The following SH3BGRL variants were observed in gnomAD, a reference collection of about 807,000 sequenced individuals.
The protein encoded by SH3BGRL is SH3 domain binding glutamate rich protein like.
A neutral mutation model predicts 9.8 loss-of-function variants in SH3BGRL; 7 were observed. That is an observed-to-expected ratio of 0.72 (90% CI 0.41 to 1.35). The LOEUF (loss-of-function observed/expected upper bound fraction) is 1.35, where lower values mean the gene tolerates loss of function less well. Ranked by LOEUF, SH3BGRL falls within the 40% of genes most tolerant of loss-of-function variation. The pLI, the probability that SH3BGRL is intolerant of heterozygous loss-of-function variation, is 0.01. For missense variants in SH3BGRL, 73 were observed against 84.4 expected (o/e 0.86, Z 0.53); for synonymous variants, 36 against 29.1 (o/e 1.24, Z -0.76).
intron 1 of SH3BGRL, among the ~76,000 whole-genome samples, chrX:81,206,757 G>C (rs2075549133): frequency 8.9e-6 from 1 of 111,872 alleles, no homozygotes; most frequent in African/African-American, 3.3e-5. Context: ...GTAAGTGACT[G>C]TTCACCCAAG....
At chrX:81,249,768 C>T (rs2075703095) in intron 1 of SH3BGRL, among the ~76,000 whole-genome samples, 1 of 110,940 alleles carries the variant, frequency 9.0e-6, no homozygotes, top group South Asian at 3.7e-4. Flanking sequence ...ACAAAATGGT[C>T]GAAAGAAACC....
chrX:81,254,993 G>T (rs1024599639), intron 1 of SH3BGRL, among the ~76,000 whole-genome samples: 19 of 108,345 alleles, frequency 1.8e-4, no homozygotes, highest in African/African-American at 5.7e-4. Context: ...GGGTTCAAGC[G>T]ATTCTCCTGC....
intron 1 of SH3BGRL, among the ~76,000 whole-genome samples, chrX:81,232,296 A>G (rs2075635231): frequency 9.0e-6 from 1 of 110,857 alleles, no homozygotes; most frequent in Admixed American, 9.6e-5. Context: ...TATTACATAC[A>G]CATCACAGAA....
At position 81,248,337 on chromosome X, in the gene SH3BGRL, T is replaced by C. The variant is rs751604042; in HGVS notation, c.46-28647T>C. Among the ~76,000 whole-genome samples, 3 of 112,315 alleles carry C rather than the reference T, an allele frequency of 2.7e-5. No individual in the cohort carries two copies. In the South Asian group the frequency reaches 1.1e-3, roughly 42 times the overall value. On this transcript the variant is annotated intron_variant, in intron 1 of 3. Coordinates refer to ENST00000373212, the MANE Select transcript of SH3BGRL (RefSeq NM_003022.3). ...TACAGCTAGGTATATACTCGATTTT[T>C]GTTTACTGAGAGACTCTTTGTAGAG...
intron 1 of SH3BGRL, among the ~76,000 whole-genome samples, chrX:81,208,720 G>A (rs184760896): frequency 6.3e-5 from 7 of 111,304 alleles, no homozygotes; most frequent in East Asian, 5.7e-4. Flanking sequence ...GAGACGAGGC[G>A]GTTCATTTAT....
chrX:81,207,781 T>C (rs2075551656), intron 1 of SH3BGRL, among the ~76,000 whole-genome samples: 1 of 111,842 alleles, frequency 8.9e-6, no homozygotes, highest in East Asian at 2.8e-4. Context: ...TCAAGATCAG[T>C]GCTTTCAAAT....
At chrX:81,217,277 C>T (rs921417933) in intron 1 of SH3BGRL, among the ~76,000 whole-genome samples, 13 of 110,058 alleles carry the variant, frequency 1.2e-4, no homozygotes, top group African/African-American at 3.9e-4. Flanking sequence ...TAGTTCTGCT[C>T]TGATCTTTGA....
At chrX:81,205,486 ATG>A (rs1227518163) in intron 1 of SH3BGRL, among the ~76,000 whole-genome samples, 2,104 of 90,408 alleles carry the variant, frequency 0.023, 22 homozygotes, top group Middle Eastern at 0.062. Context: ...GTGTATATAT[ATG>A]TGTGTGTGTG....
intron 1 of SH3BGRL, among the ~76,000 whole-genome samples, chrX:81,273,166 G>A (rs1294316348): frequency 9.0e-6 from 1 of 111,706 alleles, no homozygotes; most frequent in African/African-American, 3.3e-5. Flanking sequence ...CCTTTCACCA[G>A]AACTATAGAT....
At chrX:81,259,772 G>A (rs1353926142) in intron 1 of SH3BGRL, among the ~76,000 whole-genome samples, 4 of 111,665 alleles carry the variant, frequency 3.6e-5, no homozygotes, top group Non-Finnish European at 5.7e-5. Context: ...AGCCACCTAT[G>A]GTCAGAAGCC....
intron 1 of SH3BGRL, among the ~76,000 whole-genome samples, chrX:81,205,504 G>GTATATATATATA (rs34834268): frequency 1.2e-5 from 1 of 85,154 alleles, no homozygotes; most frequent in Non-Finnish European, 2.3e-5. Context: ...GTGTGTGTGT[G>GTATATATATATA]TATATATATA....
intron 1 of SH3BGRL, among the ~76,000 whole-genome samples, chrX:81,269,280 G>A (rs5912485): frequency 0.57 from 62,234 of 109,822 alleles, 14,565 homozygotes; most frequent in Non-Finnish European, 0.73. Context: ...TGGTTATTTC[G>A]CCTGTTAATT....
chrX:81,243,502 ATAACT>A (rs1426392892), intron 1 of SH3BGRL, among the ~76,000 whole-genome samples: 3 of 111,813 alleles, frequency 2.7e-5, no homozygotes, highest in African/African-American at 9.8e-5. Flanking sequence ...GTTGTCAATA[ATAACT>A]TAATTGTTAA....
chrX:81,209,932 T>G (rs1044638608), intron 1 of SH3BGRL, among the ~76,000 whole-genome samples: 1 of 112,040 alleles, frequency 8.9e-6, no homozygotes, highest in Non-Finnish European at 1.9e-5. Flanking sequence ...CTGATTCTCT[T>G]GCATGTTATG....
intron 1 of SH3BGRL, among the ~76,000 whole-genome samples, chrX:81,245,934 G>A (rs761659570): frequency 2.8e-4 from 31 of 111,726 alleles, no homozygotes; most frequent in Non-Finnish European, 4.7e-4. Flanking sequence ...AATTATGTTC[G>A]CATCAACAGC....
At chrX:81,263,707 T>C (rs899382584) in intron 1 of SH3BGRL, among the ~76,000 whole-genome samples, 4 of 111,694 alleles carry the variant, frequency 3.6e-5, no homozygotes, top group African/African-American at 1.3e-4. Context: ...AAATACATTG[T>C]AATTAGATCG....
chrX:81,279,721 C>T (rs1046616446), intron 3 of SH3BGRL, among the ~76,000 whole-genome samples: 1 of 110,785 alleles, frequency 9.0e-6, no homozygotes, highest in Non-Finnish European at 1.9e-5. Context: ...CTGCCTGGCA[C>T]CATAGGGATC....
chrX:81,226,098 A>G (rs1284534095), intron 1 of SH3BGRL, among the ~76,000 whole-genome samples: 1 of 111,344 alleles, frequency 9.0e-6, no homozygotes, highest in African/African-American at 3.3e-5. Flanking sequence ...ACCTCTAATA[A>G]TTATTCAGAT....
intron 1 of SH3BGRL, among the ~76,000 whole-genome samples, chrX:81,264,515 C>T (rs1347849315): frequency 1.8e-5 from 2 of 111,779 alleles, no homozygotes; most frequent in East Asian, 5.7e-4. Flanking sequence ...GTGCATATCT[C>T]GCTGCTAACA....
Sources: allele counts gnomAD v4.1 joint callset (sites outside exome capture counted in the v4.1 genomes callset), GRCh38; gene constraint gnomAD v4.1.1; transcripts MANE v1.5; gene names NCBI Gene and HGNC (gene_info 2026-07-23, HGNC 2026-07-21).